The following AGXT2 variants were observed in gnomAD, a reference collection of about 807,000 sequenced individuals.
The protein encoded by AGXT2 is alanine--glyoxylate aminotransferase 2, mitochondrial.
Under a neutral mutation model 62.5 loss-of-function variants are expected in AGXT2, and 61 were observed. The observed-to-expected ratio is 0.98, with a 90% CI of 0.79 to 1.21. The LOEUF (loss-of-function observed/expected upper bound fraction) is 1.21, where lower values mean the gene tolerates loss of function less well. Among genes scored for constraint, AGXT2 ranks in the 50% most tolerant of loss-of-function variants. The probability of loss-of-function intolerance (pLI) is 0.00; values close to 1 mark genes in which losing one functional copy is unlikely to be tolerated. For synonymous variants in AGXT2, 243 were observed against 218.7 expected (o/e 1.11, Z -0.98); for missense variants, 666 against 641.5 (o/e 1.04, Z -0.41).
chr5:35,037,099 G>T (rs1767804237), intron 3 of AGXT2, 34 bp from the exon 4 acceptor site: 1 of 1,612,880 alleles, frequency 6.2e-7, no homozygotes, highest in African/African-American at 1.3e-5. Flanking sequence ...TACCTGCACT[G>T]CGTGCCACGT....
At position 35,047,877 on chromosome 5, in the gene AGXT2, T is replaced by A; in HGVS notation, c.16A>T (p.Arg6Ter). 6.2e-7 allele frequency: 1 copy of A among 1,613,966 alleles called. No homozygotes were observed. The highest frequency in any genetic ancestry group is 8.5e-7 in the Non-Finnish European group (1 of 1,179,976). The stretch of plus-strand genomic sequence containing the variant: ...AGGCACAAGGGTCTCAGCAAATGTC[T>A]CCAGATTAGAGTCATTTCTCCCACT... MTLIW[R>*]HLLRPLCLVT... The change falls in exon 1 of 14, where the codon AGA (arginine) becomes TGA (stop). Residue 6 changes from arginine to a stop codon, truncating the protein, a stop_gained. Coordinates refer to ENST00000231420, the MANE Select transcript of AGXT2 (RefSeq NM_031900.4). LOFTEE classifies it high-confidence loss of function.
At chr5:35,044,516 C>T (rs1040642819) in intron 1 of AGXT2, among the ~76,000 whole-genome samples, 2 of 152,208 alleles carry the variant, frequency 1.3e-5, no homozygotes. Context: ...TGCCTGCATC[C>T]GCTAAGCAAA....
intron 12 of AGXT2, among the ~76,000 whole-genome samples, chr5:35,006,807 C>A (rs1352880670): frequency 6.6e-6 from 1 of 152,142 alleles, no homozygotes; most frequent in Non-Finnish European, 1.5e-5. Context: ...TGCTGGACAG[C>A]ATTATAGCAA....
chr5:34,999,133 C>T lies in AGXT2; in HGVS notation c.1438-307G>A, dbSNP rs189221201. ...CTCCATTTCTGCCCAGGGTGACTTC[C>T]ATGTCCATATGTGCAACCCAGCAAA... On this transcript the variant is annotated intron_variant, in intron 13 of 13. Transcript: ENST00000231420. Among the ~76,000 whole-genome samples, 270 of 152,286 alleles carry T rather than the reference C, an allele frequency of 1.8e-3. 2 individuals carry two copies. The highest frequency in any genetic ancestry group is 6.3e-3 in the African/African-American group (260 of 41,572).
At chr5:35,012,889 G>C in intron 11 of AGXT2, 65 bp downstream of exon 11, 2 of 1,346,476 alleles carry the variant, frequency 1.5e-6, no homozygotes, top group South Asian at 2.5e-5. Flanking sequence ...TTCTGCTAAT[G>C]CATGTGTGGT....
chr5:35,039,673 A>G (rs1767909329), intron 2 of AGXT2, among the ~76,000 whole-genome samples, 165 bp from the exon 3 acceptor site: 1 of 152,216 alleles, frequency 6.6e-6, no homozygotes, highest in Non-Finnish European at 1.5e-5. Context: ...GCAAGAAATT[A>G]AAGCCTTTTC....
At chr5:35,016,545 A>G (rs900255023) in intron 9 of AGXT2, among the ~76,000 whole-genome samples, 4 of 152,092 alleles carry the variant, frequency 2.6e-5, no homozygotes, top group African/African-American at 9.7e-5. Context: ...GTCACCAGTC[A>G]CCTTTTGACC....
chr5:35,024,325 A>T (rs1429473879), intron 9 of AGXT2, among the ~76,000 whole-genome samples: 1 of 152,312 alleles, frequency 6.6e-6, no homozygotes, highest in East Asian at 1.9e-4. Context: ...CAATCATGAT[A>T]GTCACCCAGC....
chr5:35,011,327 G>T (rs769594339), intron 11 of AGXT2, among the ~76,000 whole-genome samples: 1 of 152,072 alleles, frequency 6.6e-6, no homozygotes, highest in Non-Finnish European at 1.5e-5. Flanking sequence ...GGGCATGGTG[G>T]TGCATGCCTA....
In AGXT2 at chr5:35,026,417, G is replaced by A. The variant is rs930170136; in HGVS notation, c.863C>T (p.Pro288Leu). ...TAAGGTTCATATACCCACTTGAATA[G>A]GTTCTGCGAAAAATCCAGCAATTGA... ...AKSIAGFFAE[P>L]IQGVNGVVQY... Residue 288 changes from proline (P) to leucine (L), a missense_variant, in exon 8 of 14, where the codon CCT becomes CTT. Pro to Leu is a moderately conservative substitution (Grantham distance 98, BLOSUM62 -3). Coordinates refer to ENST00000231420, the MANE Select transcript of AGXT2 (RefSeq NM_031900.4). The A allele has an allele frequency of 1.2e-6, 2 of 1,613,804 alleles. No homozygotes were observed. The highest frequency in any genetic ancestry group is 8.5e-7 in the Non-Finnish European group (1 of 1,179,736).
At chr5:35,003,899 T>A (rs748429180) in intron 12 of AGXT2, 38 bp from the exon 13 acceptor site, 22 of 1,592,948 alleles carry the variant, frequency 1.4e-5, no homozygotes, top group Non-Finnish European at 1.8e-5. Context: ...TATTTGGTGT[T>A]GGAATGGTTA....
intron 11 of AGXT2, chr5:35,012,529 T>C (rs1272593863): frequency 8.5e-6 from 2 of 234,278 alleles, no homozygotes; most frequent in Non-Finnish European, 1.7e-5. Flanking sequence ...CTGAATTACC[T>C]TGCTGTAAGC....
chr5:35,003,793 G>A lies in AGXT2; in HGVS notation c.1407C>T (p.Leu469=), dbSNP rs762083883. ...QIHEDCKHMG[L]LVGRGSIFSQ... ...AAAAAATGCTGCCTCTGCCAACGAG[G>A]AGTCCCATGTGCTTGCAGTCCTCAT... is the stretch of plus-strand genomic sequence containing the variant. Residue 469 remains leucine, a synonymous_variant, in exon 13 of 14, where the codon CTC becomes CTT. Coordinates refer to ENST00000231420, the MANE Select transcript of AGXT2 (RefSeq NM_031900.4). 2 of 1,614,078 alleles carry A rather than the reference G, an allele frequency of 1.2e-6. No individual in the cohort carries two copies. The highest frequency in any genetic ancestry group is 2.7e-5 in the African/African-American group (2 of 74,922).
chr5:35,026,483 A>G lies in AGXT2; in HGVS notation c.797T>C (p.Ile266Thr), dbSNP rs1194258468. The G allele has an allele frequency of 1.2e-6, 2 of 1,614,132 alleles. No homozygotes were observed. The highest frequency in any genetic ancestry group is 1.7e-6 in the Non-Finnish European group (2 of 1,180,000). Reference protein sequence around the residue: ...PDCCQAKDQYIEQFKDTLSTS... With the variant: ...PDCCQAKDQYTEQFKDTLSTS... ...GCTCAGCGTATCTTTGAATTGCTCA[A>G]TATACTGATCTTTAGCTTGGCAGCA... Residue 266 changes from isoleucine (I) to threonine (T), a missense_variant, in exon 8 of 14, where the codon ATT becomes ACT. Ile to Thr is a moderately conservative substitution (Grantham distance 89). Coordinates refer to ENST00000231420, the MANE Select transcript of AGXT2 (RefSeq NM_031900.4).
At chr5:35,020,511 C>A (rs1389117663) in intron 9 of AGXT2, among the ~76,000 whole-genome samples, 1 of 152,020 alleles carries the variant, frequency 6.6e-6, no homozygotes, top group African/African-American at 2.4e-5. Flanking sequence ...AGGCCTTTGA[C>A]AAAATTCAAC....
At chr5:35,018,379 C>G (rs2112216574) in intron 9 of AGXT2, among the ~76,000 whole-genome samples, 1 of 152,264 alleles carries the variant, frequency 6.6e-6, no homozygotes, top group African/African-American at 2.4e-5. Flanking sequence ...GATCTATCGG[C>G]AGAAACTCTA....
At chr5:34,999,016 G>A (rs909154704) in intron 13 of AGXT2, among the ~76,000 whole-genome samples, 190 bp from the exon 14 acceptor site, 15 of 152,116 alleles carry the variant, frequency 9.9e-5, no homozygotes, top group Admixed American at 8.5e-4. Flanking sequence ...ACAAACCCTT[G>A]TACAATTTGG....
chr5:35,023,987 GGGTTCAAACATT>G, intron 9 of AGXT2, among the ~76,000 whole-genome samples: 1 of 151,996 alleles, frequency 6.6e-6, no homozygotes, highest in South Asian at 2.1e-4. Flanking sequence ...TCCACCTCCT[GGGTTCAAACATT>G]CTCCTGCGTC....
At chr5:35,041,328 G>T (rs891391382) in intron 1 of AGXT2, among the ~76,000 whole-genome samples, 2 of 148,504 alleles carry the variant, frequency 1.3e-5, no homozygotes, top group African/African-American at 5.0e-5. Context: ...CCTTACATTT[G>T]TGTGTGTGTG....
Sources: allele counts gnomAD v4.1 joint callset (sites outside exome capture counted in the v4.1 genomes callset), GRCh38; gene constraint gnomAD v4.1.1; transcripts MANE v1.5; gene names NCBI Gene and HGNC (gene_info 2026-07-23, HGNC 2026-07-21).